The following TLL2 variants were observed in gnomAD, a reference collection of about 807,000 sequenced individuals.
The protein encoded by TLL2 is tolloid-like protein 2.
TLL2 carries 106 observed loss-of-function variants against 123.0 expected under a neutral mutation model. That is an observed-to-expected ratio of 0.86 (90% CI 0.74 to 1.01). The LOEUF (loss-of-function observed/expected upper bound fraction) is 1.01, where lower values mean the gene tolerates loss of function less well. TLL2 is among the 50% of genes least tolerant of loss of function. TLL2 has a pLI of 0.00. For missense variants in TLL2, 1,332 were observed against 1,336.7 expected, an observed-to-expected ratio of 1.00 and a Z score of 0.06; for synonymous variants, 494 against 516.8, an observed-to-expected ratio of 0.96 and a Z score of 0.60.
At chr10:96,466,168 G>T (rs1171798007) in intron 2 of TLL2, among the ~76,000 whole-genome samples, 1 of 152,190 alleles carries the variant, frequency 6.6e-6, no homozygotes, top group Non-Finnish European at 1.5e-5. Context: ...GGAGCAGAAA[G>T]CAAGTAGTAG....
At chr10:96,425,697 T>G (rs1401705935) in intron 5 of TLL2, among the ~76,000 whole-genome samples, 1 of 152,036 alleles carries the variant, frequency 6.6e-6, no homozygotes, top group East Asian at 1.9e-4. Flanking sequence ...TTAATTAATT[T>G]TGTGGTCACT....
chr10:96,400,357 C>CAAAAAAAAAAAAA (rs55975748), intron 10 of TLL2, among the ~76,000 whole-genome samples: 1 of 109,892 alleles, frequency 9.1e-6, no homozygotes, highest in Non-Finnish European at 1.8e-5. Flanking sequence ...CTACTACCAT[C>CAAAAAAAAAAAAA]AAAAAAAAAA....
chr10:96,422,734 A>C lies in TLL2; in HGVS notation c.639-7T>G. The C allele has an allele frequency of 6.2e-7, 1 of 1,614,110 alleles. No homozygotes were observed. The highest frequency in any genetic ancestry group is 1.7e-5 in the Admixed American group (1 of 60,028). ...CCCAACATAGGAGCAACAGCTGGAC[A>C]ATTGCAGGAATACCCAGGTCAGCAG... On this transcript the variant is annotated splice_polypyrimidine_tract_variant and splice_region_variant and intron_variant, in intron 5 of 20. Transcript: ENST00000357947.
At chr10:96,405,452 G>C in intron 9 of TLL2, 118 bp from the exon 10 acceptor site, 1 of 859,544 alleles carries the variant, frequency 1.2e-6, no homozygotes, top group Non-Finnish European at 1.9e-6. Context: ...TTCAGACCAC[G>C]GTAGGAGTGT....
intron 13 of TLL2, among the ~76,000 whole-genome samples, chr10:96,394,320 G>A (rs2134061993): frequency 6.6e-6 from 1 of 152,316 alleles, no homozygotes. Flanking sequence ...GGGCGCCCAG[G>A]CCCAATGCAG....
chr10:96,405,016 G>A (rs994490419), intron 10 of TLL2, among the ~76,000 whole-genome samples: 3 of 152,166 alleles, frequency 2.0e-5, no homozygotes, highest in Non-Finnish European at 4.4e-5. Flanking sequence ...AGTTCCCTAG[G>A]ATGAATTCCA....
chr10:96,481,618 T>C (rs912479), intron 1 of TLL2, among the ~76,000 whole-genome samples: 132,118 of 152,208 alleles, frequency 0.87, 57,364 homozygotes, highest in Middle Eastern at 0.97. Context: ...ACGAAGTATT[T>C]AGTCAAAGTG....
intron 1 of TLL2, among the ~76,000 whole-genome samples, chr10:96,510,006 G>T (rs1352938856): frequency 6.6e-6 from 1 of 152,162 alleles, no homozygotes; most frequent in Admixed American, 6.5e-5. Context: ...TGTCTACCCT[G>T]CAAGGCAAGC....
intron 1 of TLL2, among the ~76,000 whole-genome samples, chr10:96,488,132 C>A (rs1847375101): frequency 6.6e-6 from 1 of 152,256 alleles, no homozygotes; most frequent in South Asian, 2.1e-4. Context: ...CGGATCCATG[C>A]TCAGCACAGA....
intron 1 of TLL2, among the ~76,000 whole-genome samples, chr10:96,508,766 C>A (rs1391423232): frequency 2.6e-5 from 4 of 151,966 alleles, no homozygotes; most frequent in African/African-American, 9.7e-5. Context: ...GCCCTCTATT[C>A]CTGGATATTC....
chr10:96,504,175 T>C (rs1224663002), intron 1 of TLL2, among the ~76,000 whole-genome samples: 7 of 152,178 alleles, frequency 4.6e-5, no homozygotes, highest in Non-Finnish European at 7.3e-5. Context: ...AAGCCACTTA[T>C]ATGTCTCCAA....
Position 96,461,890 on chromosome 10 carries a change from G to A in TLL2, c.287-15722C>T, listed in dbSNP as rs116643988. Among the ~76,000 whole-genome samples the A allele has an allele frequency of 3.8e-3, 574 of 152,270 alleles. 4 individuals are homozygous for A. The highest frequency in any genetic ancestry group is 0.013 in the African/African-American group (552 of 41,544). ...GGAGCTCCTGACACTCACCATATCA[G>A]TCCCATAGTATAATTCTGTGTGACC... On this transcript the variant is annotated intron_variant, in intron 2 of 20. Coordinates refer to ENST00000357947, the MANE Select transcript of TLL2 (RefSeq NM_012465.4).
At chr10:96,376,872 G>A (rs1846143460) in intron 17 of TLL2, 53 bp from the exon 18 acceptor site, 1 of 1,462,440 alleles carries the variant, frequency 6.8e-7, no homozygotes. Context: ...ACTGTGGGCA[G>A]CACAAGAAGG....
intron 16 of TLL2, among the ~76,000 whole-genome samples, chr10:96,380,415 T>C (rs986082018): frequency 2.0e-5 from 3 of 152,062 alleles, no homozygotes; most frequent in African/African-American, 7.2e-5. Context: ...TAAGAGCCCT[T>C]GTAAGAAAGA....
intron 4 of TLL2, 104 bp downstream of exon 4, chr10:96,432,703 C>T (rs1257914577): frequency 6.9e-7 from 1 of 1,459,014 alleles, no homozygotes; most frequent in Admixed American, 2.1e-5. Context: ...GCTGTGGTCC[C>T]TAACATCTGC....
intron 16 of TLL2, among the ~76,000 whole-genome samples, chr10:96,380,624 C>T (rs372471206): frequency 4.4e-5 from 6 of 137,078 alleles, no homozygotes; most frequent in East Asian, 4.4e-4. Context: ...ACCCAGGAGG[C>T]GGAGCTTGCA....
chr10:96,465,480 A>C (rs1255601489), intron 2 of TLL2, among the ~76,000 whole-genome samples: 1 of 152,172 alleles, frequency 6.6e-6, no homozygotes, highest in East Asian at 1.9e-4. Flanking sequence ...TCCAGTGCCC[A>C]GGACATGAGC....
chr10:96,384,795 C>T lies in TLL2; in HGVS notation c.2014-28G>A, dbSNP rs1228814780. The T allele has an allele frequency of 7.1e-6, 11 of 1,547,748 alleles. No homozygotes were observed. In the East Asian group the frequency reaches 2.3e-4, roughly 33 times the overall value. On this transcript the variant is annotated intron_variant, in intron 15 of 20. Transcript: ENST00000357947. ...GCAAGGGAGCATGATGGGGAGCTTCCCAGAGTCCCTGTCCCCACCCCAGAC... is the reference window on the plus strand; with the variant it reads ...GCAAGGGAGCATGATGGGGAGCTTCTCAGAGTCCCTGTCCCCACCCCAGAC...
intron 5 of TLL2, among the ~76,000 whole-genome samples, chr10:96,427,294 G>A (rs1261017775): frequency 6.6e-6 from 1 of 152,172 alleles, no homozygotes; most frequent in Non-Finnish European, 1.5e-5. Flanking sequence ...TTAAAAAAAT[G>A]TGTTATGAGG....
Sources: gnomAD v4.1 joint callset for allele counts (sites outside exome capture counted in the v4.1 genomes callset) on GRCh38, gnomAD v4.1.1 for gene constraint, MANE v1.5 for transcripts, NCBI Gene and HGNC (gene_info 2026-07-23, HGNC 2026-07-21) for gene names.